ZNF599: variants seen among roughly 807,000 people sequenced by gnomAD.
The protein encoded by ZNF599 is zinc finger protein 599.
ZNF599 carries 10 observed loss-of-function variants against 11.7 expected under a neutral mutation model. The ratio of observed to expected loss-of-function variants is 0.86; its 90% CI spans 0.53 to 1.45. The LOEUF is 1.45. Among genes scored for constraint, ZNF599 ranks in the 40% most tolerant of loss-of-function variants. The pLI is 0.00. For synonymous variants in ZNF599, 232 were observed against 253.2 expected (o/e 0.92, Z 0.79); for missense variants, 688 against 713.6 (o/e 0.96, Z 0.41).
At chr19:34,787,308 A>G in the ZNF599 span, among the ~76,000 whole-genome samples, 1 of 151,944 alleles carries the variant, frequency 6.6e-6, no homozygotes, top group Non-Finnish European at 1.5e-5. Context: ...GGGCAAACGA[A>G]ATGTCCCTTT....
chr19:34,786,216 G>A, the ZNF599 span, among the ~76,000 whole-genome samples: 1 of 152,106 alleles, frequency 6.6e-6, no homozygotes, highest in Admixed American at 6.5e-5. Context: ...TTTTTAGCAA[G>A]AATCCTGCTA....
chr19:34,795,887 T>G, the ZNF599 span, among the ~76,000 whole-genome samples: 104 of 152,298 alleles, frequency 6.8e-4, 2 homozygotes, highest in East Asian at 0.02. Flanking sequence ...AATGGCACAA[T>G]CTCAGCTCAC....
chr19:34,806,003 C>T, the ZNF599 span, among the ~76,000 whole-genome samples: 1 of 152,076 alleles, frequency 6.6e-6, no homozygotes, highest in Non-Finnish European at 1.5e-5. Flanking sequence ...TCTCAAGCAA[C>T]CCCAGTCTCA....
rs1364464438 is a variant in ZNF599, at chr19:34,772,852, G to A, written c.-11C>T. On this transcript the variant is annotated 5_prime_UTR_variant, in exon 1 of 4. Transcript: ENST00000329285. ...CGCCGGCGCCGCCATGGGCCCAGGG[G>A]GCTGGGTGAGGCCGTGAGAGTCGGC... The A allele has an allele frequency of 2.0e-6, 3 of 1,483,812 alleles. No individual in the cohort carries two copies. The African/African-American group carries it at 4.4e-5, about 22-fold the overall frequency. 91.9% of individuals were successfully genotyped at this position (1,483,812 alleles called of 1,614,324 possible).
At chr19:34,796,382 C>T in the ZNF599 span, among the ~76,000 whole-genome samples, 1 of 151,108 alleles carries the variant, frequency 6.6e-6, no homozygotes, top group African/African-American at 2.4e-5. Context: ...GCAATCTTGA[C>T]TCACTGCAAC....
chr19:34,779,975 G>A, the ZNF599 span: 2 of 153,618 alleles, frequency 1.3e-5, no homozygotes, highest in African/African-American at 2.4e-5. Context: ...GCCTGCTGTG[G>A]CTAGAAAGTC....
rs2069083554 is a variant in ZNF599, at chr19:34,758,178, G to T, written c.*856C>A. On this transcript the variant is annotated 3_prime_UTR_variant, in exon 4 of 4. Transcript: ENST00000329285. ...AACAAACAAATACCCATAGAAGAAGGTTATGTGTTGACTGGTTGATAAAAA... is the reference window on the plus strand; with the variant it reads ...AACAAACAAATACCCATAGAAGAAGTTTATGTGTTGACTGGTTGATAAAAA... 6.6e-6 allele frequency: 1 copy of T among 152,102 alleles called. No individual in the cohort carries two copies. Among genetic ancestry groups the T allele is most frequent in the South Asian group, 2.1e-4 (1 of 4,832 alleles). The allele number at this position is 152,102 out of a possible 1,614,324, so 9.4% of individuals were successfully genotyped here.
At chr19:34,765,664 A>G (rs893043791) in intron 3 of ZNF599, 1 of 702,976 alleles carries the variant, frequency 1.4e-6, no homozygotes, top group African/African-American at 1.7e-5. Context: ...TCAGATGAAC[A>G]TGAATCAGTA....
chr19:34,772,539 G>T, intron 1 of ZNF599: 1 of 1,336,986 alleles, frequency 7.5e-7, no homozygotes, highest in South Asian at 1.9e-5. Flanking sequence ...AAATTACTGA[G>T]ACTCGCATTT....
At position 34,767,234 on chromosome 19, in the gene ZNF599, GC is replaced by G; in HGVS notation, c.241+81del. The G allele has an allele frequency of 3.7e-6, 4 of 1,088,112 alleles. No homozygotes were observed. In the Admixed American group the frequency reaches 7.4e-5, roughly 20 times the overall value. 67.4% of individuals were successfully genotyped at this position (1,088,112 alleles called of 1,614,324 possible). On this transcript the variant is annotated intron_variant, in intron 3 of 3. Transcript: ENST00000329285. ...GACTGCTCAAGACCACAAAATAGCTGCCCATGGCATTTCAGACACAGTGATG... is the reference window on the plus strand; with the variant it reads ...GACTGCTCAAGACCACAAAATAGCTGCCATGGCATTTCAGACACAGTGATG...
chr19:34,778,914 CA>C, the ZNF599 span, among the ~76,000 whole-genome samples: 1 of 151,898 alleles, frequency 6.6e-6, no homozygotes, highest in African/African-American at 2.4e-5. Context: ...ATATGGGTGG[CA>C]AAAAAACATA....
chr19:34,784,750 C>T, the ZNF599 span, among the ~76,000 whole-genome samples: 1 of 151,922 alleles, frequency 6.6e-6, no homozygotes. Context: ...CATCTCGAAT[C>T]GATACCCCCT....
chr19:34,781,964 A>G, the ZNF599 span, among the ~76,000 whole-genome samples: 1 of 152,220 alleles, frequency 6.6e-6, no homozygotes, highest in East Asian at 1.9e-4. Flanking sequence ...ACAAGTGGAT[A>G]CAGTTTCAAG....
chr19:34,804,722 T>C, the ZNF599 span, among the ~76,000 whole-genome samples: 1 of 152,070 alleles, frequency 6.6e-6, no homozygotes, highest in Non-Finnish European at 1.5e-5. Context: ...ACTACTAACT[T>C]CTCCTTCATT....
chr19:34,780,071 A>T, the ZNF599 span: 1 of 152,772 alleles, frequency 6.5e-6, no homozygotes, highest in African/African-American at 2.4e-5. Flanking sequence ...CTCCTTTCTG[A>T]TGGACTTCTC....
chr19:34,772,302 T>C (rs1012553198), intron 1 of ZNF599: 16 of 988,138 alleles, frequency 1.6e-5, no homozygotes, highest in Non-Finnish European at 1.8e-5. Flanking sequence ...TCTTGTCTTC[T>C]AGCCTCCTGC....
upstream of ZNF599, among the ~76,000 whole-genome samples, chr19:34,777,438 G>A (rs12981531): frequency 1.2e-4 from 10 of 81,524 alleles, no homozygotes; most frequent in East Asian, 1.2e-3. Context: ...TATAATATAT[G>A]ATATATATTA....
At chr19:34,769,638 T>C in intron 1 of ZNF599, 83 bp from the exon 2 acceptor site, 1 of 1,529,492 alleles carries the variant, frequency 6.5e-7, no homozygotes, top group South Asian at 1.2e-5. Flanking sequence ...TGGCAAAGGG[T>C]CCAGAGACCC....
the ZNF599 span, among the ~76,000 whole-genome samples, chr19:34,802,523 G>T: frequency 6.6e-6 from 1 of 152,238 alleles, no homozygotes; most frequent in Non-Finnish European, 1.5e-5. Flanking sequence ...GTGTGGGCCA[G>T]TGTTGGAGAA....
Sources: allele counts gnomAD v4.1 joint callset (sites outside exome capture counted in the v4.1 genomes callset), GRCh38; gene constraint gnomAD v4.1.1; transcripts MANE v1.5; gene names NCBI Gene and HGNC (gene_info 2026-07-23, HGNC 2026-07-21).